CAPN5: variants seen among roughly 807,000 people sequenced by gnomAD.
The protein encoded by CAPN5 is calpain-5.
A neutral mutation model predicts 73.0 loss-of-function variants in CAPN5; 54 were observed. The ratio of observed to expected loss-of-function variants is 0.74; its 90% CI spans 0.59 to 0.93. The LOEUF is 0.93. Ranked by LOEUF, CAPN5 falls within the 40% of genes least tolerant of loss-of-function variation. The pLI, the probability that CAPN5 is intolerant of heterozygous loss-of-function variation, is 0.00. For synonymous variants in CAPN5, 335 were observed against 356.9 expected (o/e 0.94, Z 0.69); for missense variants, 785 against 882.9 (o/e 0.89, Z 1.41).
chr11:77,109,008 G>T (rs1950382456), intron 3 of CAPN5, among the ~76,000 whole-genome samples: 1 of 152,182 alleles, frequency 6.6e-6, no homozygotes, highest in African/African-American at 2.4e-5. Flanking sequence ...CTTTTTGGTG[G>T]TGTTTGACAT....
intron 2 of CAPN5, among the ~76,000 whole-genome samples, chr11:77,091,963 T>C (rs1428484654): frequency 6.6e-6 from 1 of 152,258 alleles, no homozygotes; most frequent in African/African-American, 2.4e-5. Flanking sequence ...CTCAAGCCTG[T>C]CATCCCAGCA....
At chr11:77,074,613 C>T (rs1949948351) in intron 1 of CAPN5, among the ~76,000 whole-genome samples, 1 of 152,214 alleles carries the variant, frequency 6.6e-6, no homozygotes, top group African/African-American at 2.4e-5. Context: ...CTGTTCAGCC[C>T]TCCCCTGTTC....
At position 77,114,271 on chromosome 11, in the gene CAPN5, G is replaced by A; in HGVS notation, c.536G>A (p.Gly179Glu). 2 of 1,614,178 alleles carry A rather than the reference G, an allele frequency of 1.2e-6. No homozygotes were observed. Among genetic ancestry groups the A allele is most frequent in the Non-Finnish European group, 1.7e-6 (2 of 1,180,028 alleles). Residue 179 changes from glycine to glutamate, a missense_variant, in exon 5 of 13, where the codon GGA (glycine) becomes GAA (glutamate). Transcript: ENST00000648180. Reference sequence around the variant, plus strand: ...GCAGGCTGTTACCAGGCCCTGGATGGAGGCAACACAGCAGACGCACTGGTG... The same window carrying A: ...GCAGGCTGTTACCAGGCCCTGGATGAAGGCAACACAGCAGACGCACTGGTG... ...KLAGCYQALD[G>E]GNTADALVDF...
intron 1 of CAPN5, among the ~76,000 whole-genome samples, chr11:77,067,808 C>T (rs2135400043): frequency 6.6e-6 from 1 of 152,102 alleles, no homozygotes; most frequent in Non-Finnish European, 1.5e-5. Context: ...GACAAAAGAT[C>T]ATTAACAGGT....
At chr11:77,084,728 G>T (rs182205699) in intron 1 of CAPN5, 124 bp from the exon 2 acceptor site, 1 of 782,962 alleles carries the variant, frequency 1.3e-6, no homozygotes, top group South Asian at 1.6e-5. Flanking sequence ...TGTGACCTTG[G>T]GTAGGCTCCA....
chr11:77,093,709 G>A lies in CAPN5; in HGVS notation c.193G>A (p.Val65Met), dbSNP rs1555037003. The A allele has an allele frequency of 6.2e-7, 1 of 1,608,000 alleles. No homozygotes were observed. Among genetic ancestry groups the A allele is most frequent in the African/African-American group, 1.3e-5 (1 of 74,896 alleles). Residue 65 changes from valine to methionine, a missense_variant, in exon 3 of 13, where the codon GTG becomes ATG. Transcript: ENST00000648180. ...CATCTGCGAGGACCCCCGCCTCTTTGTGGATGGCATCAGCTCCCACGACCT... is the reference window on the plus strand; with the variant it reads ...CATCTGCGAGGACCCCCGCCTCTTTATGGATGGCATCAGCTCCCACGACCT... ...KGICEDPRLF[V>M]DGISSHDLHQ...
intron 1 of CAPN5, among the ~76,000 whole-genome samples, chr11:77,081,184 T>G (rs1020126301): frequency 6.6e-6 from 1 of 152,224 alleles, no homozygotes; most frequent in African/African-American, 2.4e-5. Flanking sequence ...CCTAGGCTTC[T>G]CAAAGCAGGG....
rs1555035192 is a variant in CAPN5 at position 77,084,931 on chromosome 11, C to T, written c.45C>T (p.Ala15=). The change falls in exon 2 of 13, where the codon GCC becomes GCT. Residue 15 remains alanine, a synonymous_variant. Coordinates refer to ENST00000648180, the MANE Select transcript of CAPN5 (RefSeq NM_004055.5). ...VKPYEDQNYS[A]LRRDCRRRKV... ...CCTATGAGGACCAGAACTACTCAGCCCTGAGGCGGGACTGCCGGCGCAGGA... is the reference window on the plus strand; with the variant it reads ...CCTATGAGGACCAGAACTACTCAGCTCTGAGGCGGGACTGCCGGCGCAGGA... 6.2e-7 allele frequency: 1 copy of T among 1,614,054 alleles called. No individual in the cohort carries two copies. Among genetic ancestry groups the T allele is most frequent in the East Asian group, 2.2e-5 (1 of 44,882 alleles).
At chr11:77,104,335 A>G (rs1012379996) in intron 3 of CAPN5, among the ~76,000 whole-genome samples, 3 of 152,212 alleles carry the variant, frequency 2.0e-5, no homozygotes, top group African/African-American at 7.2e-5. Context: ...TAGAGCTTGC[A>G]GGTCAGGGAA....
At chr11:77,098,124 AC>A (rs2135445402) in intron 3 of CAPN5, among the ~76,000 whole-genome samples, 2 of 60,736 alleles carry the variant, frequency 3.3e-5, no homozygotes, top group Non-Finnish European at 5.9e-5. Flanking sequence ...TCCCTCCCGG[AC>A]GGGGCGGCTG....
chr11:77,093,489 G>C (rs543359758), intron 2 of CAPN5, among the ~76,000 whole-genome samples, 193 bp from the exon 3 acceptor site: 1 of 152,208 alleles, frequency 6.6e-6, no homozygotes, highest in Admixed American at 6.5e-5. Context: ...GCAGGACCGC[G>C]GGGTGGGGGG....
chr11:77,067,632 C>CGTGTGTGT (rs71043542), intron 1 of CAPN5, among the ~76,000 whole-genome samples: 17,380 of 126,502 alleles, frequency 0.14, 1,347 homozygotes, highest in Non-Finnish European at 0.15. Flanking sequence ...GGCGGGCGCA[C>CGTGTGTGT]GTGTGTGTGT....
chr11:77,123,576 C>T (rs1468258225), intron 12 of CAPN5, 112 bp from the exon 13 acceptor site: 2 of 897,456 alleles, frequency 2.2e-6, no homozygotes, highest in East Asian at 2.4e-5. Context: ...CCCCGATCCT[C>T]AGCCAGGCTT....
rs147709453 is a variant in CAPN5, at chr11:77,114,453, C to A, written c.699+19C>A. 6.2e-7 allele frequency: 1 copy of A among 1,606,098 alleles called. No homozygotes were observed. The highest frequency in any genetic ancestry group is 8.5e-7 in the Non-Finnish European group (1 of 1,173,060). On this transcript the variant is annotated intron_variant, in intron 5 of 12. Transcript: ENST00000648180. ...CATCAAGGTGAGAACACGGCAGTCCCCAGAGGCGACCCCTCCCCTTCACCC... is the reference window on the plus strand; with the variant it reads ...CATCAAGGTGAGAACACGGCAGTCCACAGAGGCGACCCCTCCCCTTCACCC...
At chr11:77,105,138 T>A (rs1555039662) in intron 3 of CAPN5, among the ~76,000 whole-genome samples, 1 of 151,482 alleles carries the variant, frequency 6.6e-6, no homozygotes, top group Non-Finnish European at 1.5e-5. Flanking sequence ...CTCCCCAGCC[T>A]ATCTGTCCCG....
At chr11:77,079,104 T>C (rs1555034282) in intron 1 of CAPN5, among the ~76,000 whole-genome samples, 1 of 152,184 alleles carries the variant, frequency 6.6e-6, no homozygotes, top group African/African-American at 2.4e-5. Context: ...AAATCTTACT[T>C]GATCATGGTG....
chr11:77,084,810 C>T (rs1486286471), intron 1 of CAPN5, 42 bp from the exon 2 acceptor site: 1 of 1,570,404 alleles, frequency 6.4e-7, no homozygotes, highest in Non-Finnish European at 8.7e-7. Flanking sequence ...ATCAGGGACC[C>T]AGGGACTCTG....
At chr11:77,120,261 T>C (rs1484037915) in intron 9 of CAPN5, 2 of 153,396 alleles carry the variant, frequency 1.3e-5, no homozygotes, top group Non-Finnish European at 2.9e-5. Context: ...TTGCCCATGC[T>C]GACCTTGAAC....
In CAPN5 at chr11:77,115,605, G is replaced by T. The variant is rs1950459429; in HGVS notation, c.893+17G>T. 1.3e-6 allele frequency: 2 copies of T among 1,598,368 alleles called. No individual in the cohort carries two copies. Among genetic ancestry groups the T allele is most frequent in the African/African-American group, 1.3e-5 (1 of 74,694 alleles). ...GAGTGACACGTGAGGCCTGGGGATG[G>T]GGGTGCAGGCACAGGGCATGAGGGC... On this transcript the variant is annotated intron_variant, in intron 6 of 12. Transcript: ENST00000648180.
Sources: gnomAD v4.1 joint callset for allele counts (sites outside exome capture counted in the v4.1 genomes callset) on GRCh38, gnomAD v4.1.1 for gene constraint, MANE v1.5 for transcripts, NCBI Gene and HGNC (gene_info 2026-07-23, HGNC 2026-07-21) for gene names.